The following NSMF variants were observed in gnomAD, a reference collection of about 807,000 sequenced individuals.
The protein encoded by NSMF is NMDA receptor synaptonuclear signaling and neuronal migration factor.
In NSMF, 31 loss-of-function variants were observed where a neutral mutation model predicts 71.0. The ratio of observed to expected loss-of-function variants is 0.44; its 90% CI spans 0.33 to 0.59. NSMF has a LOEUF of 0.59. Among genes scored for constraint, NSMF ranks in the 20% least tolerant of loss-of-function variants. The pLI is 0.04. For synonymous variants in NSMF, 345 were observed against 287.1 expected (o/e 1.20, Z -2.04); for missense variants, 673 against 740.5 (o/e 0.91, Z 1.06).
chr9:137,459,210 GGT>G lies in NSMF; in HGVS notation c.-110_-109del, dbSNP rs1831048241. 1 of 819,360 alleles carries G rather than the reference GGT, an allele frequency of 1.2e-6. No individual in the cohort carries two copies. The highest frequency in any genetic ancestry group is 1.8e-5 in the African/African-American group (1 of 54,138). The allele number at this position is 819,360 out of a possible 1,614,324, so 50.8% of individuals were successfully genotyped here. On this transcript the variant is annotated 5_prime_UTR_variant, in exon 1 of 16. The change abolishes the stop of an existing upstream ORF in the 5' untranslated region. Coordinates refer to ENST00000371475, the MANE Select transcript of NSMF (RefSeq NM_001130969.3). ...GGGTCGCGCTCGGGCTCGGGCTCGGGGTCTCGCTCGGGCTCCGGCTCGGGCTT... is the reference window on the plus strand; with the variant it reads ...GGGTCGCGCTCGGGCTCGGGCTCGGGCTCGCTCGGGCTCCGGCTCGGGCTT...
intron 2 of NSMF, among the ~76,000 whole-genome samples, chr9:137,458,206 C>T (rs1432435922): frequency 2.0e-5 from 3 of 152,194 alleles, no homozygotes; most frequent in Non-Finnish European, 2.9e-5. Flanking sequence ...CCCCCTCCCC[C>T]CACCAGCTGG....
At chr9:137,456,198 G>C (rs1419273751) in intron 4 of NSMF, among the ~76,000 whole-genome samples, 1 of 146,758 alleles carries the variant, frequency 6.8e-6, no homozygotes, top group Non-Finnish European at 1.5e-5. Flanking sequence ...TCCCCTGACT[G>C]TGTGTGTGTG....
Position 137,450,298 on chromosome 9 carries a change from C to G in NSMF, c.1237-43G>C, listed in dbSNP as rs181560463. 5 of 1,526,378 alleles carry G rather than the reference C, an allele frequency of 3.3e-6. 1 individual carries two copies. The South Asian group carries it at 4.5e-5, about 14-fold the overall frequency. 94.6% of individuals were successfully genotyped at this position (1,526,378 alleles called of 1,614,324 possible). On this transcript the variant is annotated intron_variant, in intron 12 of 15. Transcript: ENST00000371475. ...CAGGCATCTGCTCCTCCTTCCTCCC[C>G]CTCTCCGACACACATGCACCCACGC...
chr9:137,455,114 A>G (rs959465165), intron 6 of NSMF, 125 bp downstream of exon 6: 2 of 1,055,134 alleles, frequency 1.9e-6, no homozygotes, highest in Non-Finnish European at 3.0e-6. Context: ...ACGTCCCCAG[A>G]GCAGGGCCAG....
At position 137,457,623 on chromosome 9, in the gene NSMF, G is replaced by C; in HGVS notation, c.412C>G (p.Pro138Ala). The C allele has an allele frequency of 1.3e-6, 2 of 1,550,704 alleles. No homozygotes were observed. The highest frequency in any genetic ancestry group is 1.7e-6 in the Non-Finnish European group (2 of 1,147,094). Residue 138 changes from proline (P) to alanine (A), a missense_variant, in exon 3 of 16, where the codon CCC (proline) becomes GCC (alanine). Pro to Ala is a conservative substitution (Grantham distance 27). This residue lies in a region of NSMF where 471 missense variants were observed against 459.6 expected (regional missense o/e 1.02). Coordinates refer to ENST00000371475, the MANE Select transcript of NSMF (RefSeq NM_001130969.3). Reference sequence around the variant, plus strand: ...CTGCCACCAGGGCTGGCGCGCAGGGGCTGGCTGTGATGGTGAGGGTGCCGC... The same window carrying C: ...CTGCCACCAGGGCTGGCGCGCAGGGCCTGGCTGTGATGGTGAGGGTGCCGC... ...RQRHPHHHSQ[P>A]LRASPGGSRE...
At position 137,450,014 on chromosome 9, in the gene NSMF, C is replaced by T. The variant is rs1830392470; in HGVS notation, c.1328G>A (p.Arg443Gln). Residue 443 changes from arginine to glutamine, a missense_variant, in exon 14 of 16, where the codon CGG (arginine) becomes CAG (glutamine). Physicochemically the swap from Arg to Gln is conservative, Grantham distance 43. Transcript: ENST00000371475. ...KEEDMIHFWK[R>Q]LSRLMSKVNP... ...CACTTTGCTCATCAGGCGGCTCAGC[C>T]GCTTCCAGAAGCTGGTGGAGAGGGG... 5.0e-6 allele frequency: 8 copies of T among 1,612,982 alleles called. No individual in the cohort carries two copies. The highest frequency in any genetic ancestry group is 6.8e-6 in the Non-Finnish European group (8 of 1,179,892).
intron 1 of NSMF, 62 bp downstream of exon 1, chr9:137,458,970 C>A: frequency 1.7e-6 from 2 of 1,192,578 alleles, no homozygotes; most frequent in Middle Eastern, 3.1e-4. Flanking sequence ...GGGGCAGGGG[C>A]GGACTCGGGC....
chr9:137,455,275 C>T lies in NSMF; in HGVS notation c.743G>A (p.Arg248Gln), dbSNP rs745916712. 2.5e-5 allele frequency: 40 copies of T among 1,612,712 alleles called. No individual in the cohort carries two copies. Among genetic ancestry groups the T allele is most frequent in the South Asian group, 7.7e-5 (7 of 91,092 alleles). The stretch of plus-strand genomic sequence containing the variant: ...AGACGCGGAATCATTCTCCCGTTTC[C>T]GGCGCTTCCTCTCCGCGTAGCCCCT... ...VFRGYAERKRRKRENDSASVI... is the reference protein window; with the variant it reads ...VFRGYAERKRQKRENDSASVI... The change falls in exon 6 of 16, where the codon CGG (arginine) becomes CAG (glutamine). Residue 248 changes from arginine (R) to glutamine (Q), a missense_variant. Arg to Gln is a conservative substitution (Grantham distance 43). Transcript: ENST00000371475.
intron 3 of NSMF, 88 bp downstream of exon 3, chr9:137,457,319 T>C: frequency 4.4e-6 from 7 of 1,577,894 alleles, no homozygotes; most frequent in African/African-American, 1.3e-5. Flanking sequence ...CTGTTCTCTG[T>C]TCCAAGCCTC....
rs1236455605 is a variant in NSMF at position 137,453,120 on chromosome 9, T to G, written c.983A>C (p.Asp328Ala). 6.2e-7 allele frequency: 1 copy of G among 1,612,644 alleles called. No homozygotes were observed. Among genetic ancestry groups the G allele is most frequent in the East Asian group, 2.2e-5 (1 of 44,866 alleles). The change falls in exon 9 of 16, where the codon GAC (aspartate) becomes GCC (alanine). Residue 328 changes from aspartate (D) to alanine (A), a missense_variant. By Grantham distance (126) the Asp-to-Ala change is moderately radical. This residue lies in a region of NSMF where 202 missense variants were observed against 280.8 expected (regional missense o/e 0.72). Transcript: ENST00000371475. The surrounding 1 kb of genome is among the most constrained non-coding windows in gnomAD (Gnocchi z 4.5). ...LDEAFEDLDWDTEKGLEAVAC... is the reference protein window; with the variant it reads ...LDEAFEDLDWATEKGLEAVAC... ...CACAGCCTCCAGGCCCTTCTCAGTG[T>G]CCCAGTCCAGGTCCTCGAAGGCCTC...
chr9:137,459,191 C>T lies in NSMF; in HGVS notation c.-89G>A. 1.0e-6 allele frequency: 1 copy of T among 981,862 alleles called. No individual in the cohort carries two copies. The highest frequency in any genetic ancestry group is 1.3e-6 in the Non-Finnish European group (1 of 798,408). The allele number at this position is 981,862 out of a possible 1,614,324, so 60.8% of individuals were successfully genotyped here. ...GGTAGCCGCGCCGCACCGGGGGTCGCGCTCGGGCTCGGGCTCGGGGTCTCG... is the reference window on the plus strand; with the variant it reads ...GGTAGCCGCGCCGCACCGGGGGTCGTGCTCGGGCTCGGGCTCGGGGTCTCG... On this transcript the variant is annotated 5_prime_UTR_variant, in exon 1 of 16. Transcript: ENST00000371475.
rs1839707142 is a variant in NSMF at position 137,448,360 on chromosome 9, C to G, written c.*1034G>C. On this transcript the variant is annotated 3_prime_UTR_variant, in exon 16 of 16. Transcript: ENST00000371475. This position sits in a 1 kb window ranked among gnomAD's most constrained non-coding sequence, Gnocchi z 5.3. ...ACCCCTGGCTCTGCACAAGGGGGGC[C>G]TGCCCCCTCGCCCCAGCTATATACA... 6.6e-6 allele frequency: 1 copy of G among 152,458 alleles called. No individual in the cohort carries two copies. The highest frequency in any genetic ancestry group is 2.4e-5 in the African/African-American group (1 of 41,466). The allele number at this position is 152,458 out of a possible 1,614,324, so 9.4% of individuals were successfully genotyped here.
intron 6 of NSMF, 142 bp downstream of exon 6, chr9:137,455,097 G>T (rs768618957): frequency 1.1e-6 from 1 of 914,498 alleles, no homozygotes; most frequent in South Asian, 1.3e-5. Flanking sequence ...GGCCTCTCCT[G>T]CCTGCCACGT....
rs1217916806 is a variant in NSMF at position 137,459,176 on chromosome 9, C to A, written c.-74G>T. The A allele has an allele frequency of 2.8e-6, 3 of 1,072,694 alleles. No homozygotes were observed. In the East Asian group the frequency reaches 1.4e-4, roughly 51 times the overall value. 66.4% of individuals were successfully genotyped at this position (1,072,694 alleles called of 1,614,324 possible). A position where few individuals can be genotyped will look rare whatever the true frequency, so the allele number is the denominator to read the frequency against. ...CGCCGCCTCCGCCGGGGTAGCCGCG[C>A]CGCACCGGGGGTCGCGCTCGGGCTC... On this transcript the variant is annotated 5_prime_UTR_variant, in exon 1 of 16. Transcript: ENST00000371475.
Position 137,454,456 on chromosome 9 carries a change from G to A in NSMF, c.780-13C>T. On this transcript the variant is annotated splice_polypyrimidine_tract_variant and intron_variant, in intron 6 of 15. Transcript: ENST00000371475. The stretch of plus-strand genomic sequence containing the variant: ...TTTGCGGAAGTTCCTGGGGGAGGAA[G>A]CCAGGGGCTGAAGAGGGCCGTGAGA... The A allele has an allele frequency of 6.5e-7, 1 of 1,550,196 alleles. No homozygotes were observed.
At chr9:137,457,992 G>A in intron 2 of NSMF, 91 bp from the exon 3 acceptor site, 4 of 1,518,584 alleles carry the variant, frequency 2.6e-6, no homozygotes, top group African/African-American at 1.4e-5. Context: ...CACCCAGTGG[G>A]CACCTGGCCT....
Position 137,453,926 on chromosome 9 carries a change from A to C in NSMF, c.833-106T>G. Reference sequence around the variant, plus strand: ...GGGCCCTGGGCAGAGGAGGAAGCTAATGTGGGTGGGGTCTAAGGCACATGA... The same window carrying C: ...GGGCCCTGGGCAGAGGAGGAAGCTACTGTGGGTGGGGTCTAAGGCACATGA... On this transcript the variant is annotated intron_variant, in intron 7 of 15. Transcript: ENST00000371475. The surrounding 1 kb of genome is among the most constrained non-coding windows in gnomAD (Gnocchi z 4.5). The C allele has an allele frequency of 1.1e-6, 1 of 945,952 alleles. No individual in the cohort carries two copies. The highest frequency in any genetic ancestry group is 1.6e-6 in the Non-Finnish European group (1 of 617,596). The allele number at this position is 945,952 out of a possible 1,614,324, so 58.6% of individuals were successfully genotyped here.
intron 3 of NSMF, 54 bp from the exon 4 acceptor site, chr9:137,456,540 T>G: frequency 8.2e-7 from 1 of 1,214,324 alleles, no homozygotes; most frequent in Non-Finnish European, 1.2e-6. Context: ...TCCTGAAGCC[T>G]CTCCCTCCCT....
intron 15 of NSMF, 46 bp from the exon 16 acceptor site, chr9:137,449,537 G>T (rs1313092827): frequency 1.2e-6 from 2 of 1,610,936 alleles, no homozygotes; most frequent in African/African-American, 2.7e-5. Flanking sequence ...CGGCCCTGGG[G>T]ATCCCACCCC....
Sources: gnomAD v4.1 joint callset for allele counts (sites outside exome capture counted in the v4.1 genomes callset) on GRCh38, gnomAD v4.1.1 for gene constraint, gnomAD v4.1.1 regional missense constraint, Gnocchi (gnomAD v3.1) non-coding constraint, MANE v1.5 for transcripts, NCBI Gene and HGNC (gene_info 2026-07-23, HGNC 2026-07-21) for gene names.